EXOC6: variants seen among roughly 807,000 people sequenced by gnomAD.
EXOC6 encodes the protein SEC15-like 1.
EXOC6 carries 60 observed loss-of-function variants against 112.5 expected under a neutral mutation model. The ratio of observed to expected loss-of-function variants is 0.53; its 90% CI spans 0.43 to 0.66. The LOEUF is 0.66. EXOC6 is among the 30% of genes least tolerant of loss of function. EXOC6 has a pLI of 0.00. For missense variants in EXOC6, 855 were observed against 957.1 expected, an observed-to-expected ratio of 0.89 and a Z score of 1.41; for synonymous variants, 295 against 308.0, an observed-to-expected ratio of 0.96 and a Z score of 0.44.
At chr10:92,861,392 A>T (rs1203897264) in intron 1 of EXOC6, among the ~76,000 whole-genome samples, 1 of 152,148 alleles carries the variant, frequency 6.6e-6, no homozygotes, top group African/African-American at 2.4e-5. Flanking sequence ...GAGCAGGCCA[A>T]AGTGAGGGCA....
At chr10:92,915,736 A>T in intron 6 of EXOC6, 22 bp from the exon 7 acceptor site, 1 of 1,488,480 alleles carries the variant, frequency 6.7e-7, no homozygotes, top group African/African-American at 1.5e-5. Context: ...AAATAATCTG[A>T]ATTTCTCTCT....
At chr10:92,911,330 T>A (rs545546705) in intron 6 of EXOC6, among the ~76,000 whole-genome samples, 8 of 152,300 alleles carry the variant, frequency 5.3e-5, no homozygotes, top group African/African-American at 1.9e-4. Context: ...TATTCTTCCC[T>A]TCAATATTAC....
rs183733549 is a variant in EXOC6, at chr10:93,033,551, G to T, written c.2169+19284G>T. Among the ~76,000 whole-genome samples, 518 of 152,156 alleles carry T rather than the reference G, an allele frequency of 3.4e-3. 3 individuals are homozygous for T. The highest frequency in any genetic ancestry group is 6.3e-3 in the Non-Finnish European group (427 of 67,998). ...TCATCTTTCCTACTCTCATTTTCTC[G>T]TGGCCCTGGCTTTTCTCAGTTAACT... On this transcript the variant is annotated intron_variant, in intron 20 of 21. Transcript: ENST00000260762.
intron 1 of EXOC6, among the ~76,000 whole-genome samples, chr10:92,878,604 T>C (rs1848791757): frequency 6.6e-6 from 1 of 152,156 alleles, no homozygotes; most frequent in African/African-American, 2.4e-5. Flanking sequence ...TTTTGTCTCT[T>C]ATCACACATG....
intron 1 of EXOC6, among the ~76,000 whole-genome samples, chr10:92,883,047 A>G (rs569940369): frequency 2.6e-5 from 4 of 152,308 alleles, no homozygotes; most frequent in Middle Eastern, 3.4e-3. Flanking sequence ...AAAGCTTACT[A>G]TTTGCTATAT....
At chr10:92,856,363 A>C (rs1847602874) in intron 1 of EXOC6, among the ~76,000 whole-genome samples, 1 of 152,090 alleles carries the variant, frequency 6.6e-6, no homozygotes, top group Admixed American at 6.6e-5. Flanking sequence ...TAAGAACAGC[A>C]TTAGCTTCAT....
intron 1 of EXOC6, among the ~76,000 whole-genome samples, chr10:92,891,436 A>G (rs1232590938): frequency 6.6e-6 from 1 of 152,186 alleles, no homozygotes; most frequent in Non-Finnish European, 1.5e-5. Flanking sequence ...ATTAAAATTT[A>G]TATTTGACGT....
intron 1 of EXOC6, among the ~76,000 whole-genome samples, chr10:92,859,524 T>C (rs1847795115): frequency 6.6e-6 from 1 of 152,230 alleles, no homozygotes; most frequent in Admixed American, 6.5e-5. Flanking sequence ...CCAGTTAAAT[T>C]TGGTCCTCTT....
In EXOC6 at chr10:92,975,277, G is replaced by A. The variant is rs533112772; in HGVS notation, c.1953+1045G>A. ...GCCGCGACCCCGTCTGGGAGGTGAG[G>A]AGCGTCTCTGCTCGGCCGCCCCGTC... On this transcript the variant is annotated intron_variant, in intron 18 of 21. Transcript: ENST00000260762. Among the ~76,000 whole-genome samples the A allele has an allele frequency of 1.9e-3, 281 of 151,792 alleles. 3 individuals carry two copies. The highest frequency in any genetic ancestry group is 6.6e-3 in the African/African-American group (275 of 41,376).
intron 17 of EXOC6, among the ~76,000 whole-genome samples, chr10:92,970,696 G>T (rs1842260820): frequency 6.6e-6 from 1 of 152,194 alleles, no homozygotes; most frequent in Non-Finnish European, 1.5e-5. Context: ...TCTCCTTAAT[G>T]TCAGCTTTGT....
At chr10:92,925,869 C>T (rs1422282936) in intron 8 of EXOC6, among the ~76,000 whole-genome samples, 3 of 151,800 alleles carry the variant, frequency 2.0e-5, no homozygotes, top group Non-Finnish European at 4.4e-5. Context: ...TGACATGCTG[C>T]CTAGGCTGAT....
At chr10:93,055,984 C>A (rs576628565) in intron 20 of EXOC6, among the ~76,000 whole-genome samples, 4 of 152,010 alleles carry the variant, frequency 2.6e-5, no homozygotes, top group Non-Finnish European at 5.9e-5. Flanking sequence ...ATGTTTCCTC[C>A]ATTTGAAAGC....
intron 1 of EXOC6, among the ~76,000 whole-genome samples, chr10:92,892,349 A>G (rs903410697): frequency 6.6e-6 from 1 of 152,230 alleles, no homozygotes; most frequent in Non-Finnish European, 1.5e-5. Context: ...GACAGCACTT[A>G]CTGCTCCCAG....
At chr10:93,014,906 A>AT (rs140177623) in intron 20 of EXOC6, among the ~76,000 whole-genome samples, 5 of 146,868 alleles carry the variant, frequency 3.4e-5, no homozygotes, top group South Asian at 2.2e-4. Flanking sequence ...CCACCTCTTT[A>AT]TTTTTTTTTA....
chr10:92,908,096 G>A (rs1423521177), intron 5 of EXOC6, among the ~76,000 whole-genome samples: 1 of 91,492 alleles, frequency 1.1e-5, no homozygotes, highest in African/African-American at 4.6e-5. Context: ...TTCTTACTCT[G>A]TCACCCACGC....
At chr10:92,930,132 G>T (rs528586700) in intron 9 of EXOC6, among the ~76,000 whole-genome samples, 78 of 152,306 alleles carry the variant, frequency 5.1e-4, no homozygotes, top group Non-Finnish European at 9.3e-4. Flanking sequence ...CCGGATGGAA[G>T]AATACACACG....
At chr10:93,025,762 T>C (rs1844999543) in intron 20 of EXOC6, among the ~76,000 whole-genome samples, 1 of 152,192 alleles carries the variant, frequency 6.6e-6, no homozygotes. Flanking sequence ...AAGTACATTA[T>C]GCATTCGGGC....
intron 20 of EXOC6, among the ~76,000 whole-genome samples, chr10:93,025,073 T>G (rs960092689): frequency 6.6e-6 from 1 of 152,110 alleles, no homozygotes; most frequent in Non-Finnish European, 1.5e-5. Flanking sequence ...TAGGCTTGAG[T>G]GATGAGCTGA....
At chr10:92,963,180 T>C (rs1854111699) in intron 17 of EXOC6, among the ~76,000 whole-genome samples, 1 of 152,220 alleles carries the variant, frequency 6.6e-6, no homozygotes, top group Admixed American at 6.5e-5. Context: ...TTATTTTTGG[T>C]TTAAAATAAT....
Sources: gnomAD v4.1 joint callset for allele counts (sites outside exome capture counted in the v4.1 genomes callset) on GRCh38, gnomAD v4.1.1 for gene constraint, MANE v1.5 for transcripts, NCBI Gene and HGNC (gene_info 2026-07-23, HGNC 2026-07-21) for gene names.